The following PPP4R2 variants were observed in gnomAD, a reference collection of about 807,000 sequenced individuals.
The protein encoded by PPP4R2 is serine/threonine-protein phosphatase 4 regulatory subunit 2.
A neutral mutation model predicts 47.2 loss-of-function variants in PPP4R2; 13 were observed. The observed-to-expected ratio is 0.28, with a 90% confidence interval of 0.18 to 0.44. The LOEUF (loss-of-function observed/expected upper bound fraction) is 0.44, where lower values mean the gene tolerates loss of function less well. Ranked by LOEUF, PPP4R2 falls within the 20% of genes least tolerant of loss-of-function variation. The pLI is 1.00. For missense variants in PPP4R2, 421 were observed against 491.2 expected, an observed-to-expected ratio of 0.86 and a Z score of 1.35; for synonymous variants, 151 against 163.3, an observed-to-expected ratio of 0.92 and a Z score of 0.57.
At chr3:73,010,618 G>A (rs2322696) in intron 2 of PPP4R2, among the ~76,000 whole-genome samples, 7,218 of 151,628 alleles carry the variant, frequency 0.048, 579 homozygotes, top group African/African-American at 0.17. Context: ...GAGTGCAGTG[G>A]TGCAGTCTCA....
chr3:73,062,894 A>G (rs774079684), intron 5 of PPP4R2: 1 of 1,611,122 alleles, frequency 6.2e-7, no homozygotes, highest in South Asian at 1.1e-5. Context: ...TACGCAAGTC[A>G]AGTTAGTTGC....
chr3:73,037,369 G>T (rs1702283947), intron 2 of PPP4R2, among the ~76,000 whole-genome samples: 1 of 152,100 alleles, frequency 6.6e-6, no homozygotes, highest in Non-Finnish European at 1.5e-5. Flanking sequence ...TTGTGACTTT[G>T]ATCTTGGCAG....
At chr3:73,032,275 CT>C (rs1263073573) in intron 2 of PPP4R2, among the ~76,000 whole-genome samples, 3 of 151,268 alleles carry the variant, frequency 2.0e-5, no homozygotes, top group African/African-American at 7.3e-5. Context: ...AGTAAAACTG[CT>C]TTAAAATTAT....
intron 4 of PPP4R2, among the ~76,000 whole-genome samples, chr3:73,060,635 G>A (rs934670100): frequency 4.6e-5 from 7 of 152,162 alleles, no homozygotes; most frequent in Admixed American, 2.0e-4. Context: ...ACAACAAGCC[G>A]TGGATTGGGT....
chr3:73,009,238 C>T (rs576772463), intron 2 of PPP4R2, among the ~76,000 whole-genome samples: 29 of 152,146 alleles, frequency 1.9e-4, no homozygotes, highest in Admixed American at 1.6e-3. Flanking sequence ...GTAGCAGTAG[C>T]GACTACGAGT....
chr3:73,055,280 A>T (rs941723158), intron 3 of PPP4R2, among the ~76,000 whole-genome samples: 1 of 152,118 alleles, frequency 6.6e-6, no homozygotes, highest in Non-Finnish European at 1.5e-5. Context: ...TTAATATACC[A>T]TATACATTAT....
chr3:73,018,081 T>TA (rs1490344498), intron 2 of PPP4R2, among the ~76,000 whole-genome samples: 2 of 152,218 alleles, frequency 1.3e-5, no homozygotes, highest in Non-Finnish European at 2.9e-5. Context: ...CACTCTATTT[T>TA]GTTTCTTTGA....
In PPP4R2 at chr3:72,996,910, C is replaced by T. The variant is rs534591083; in HGVS notation, c.-128C>T. 31 of 580,362 alleles carry T rather than the reference C, an allele frequency of 5.3e-5. No individual in the cohort carries two copies. The highest frequency in any genetic ancestry group is 3.9e-4 in the Admixed American group (9 of 23,014). The allele number at this position is 580,362 out of a possible 1,614,324, so 36.0% of individuals were successfully genotyped here. A position where few individuals can be genotyped will look rare whatever the true frequency, so the allele number is the denominator to read the frequency against. ...TTCCCCCGGCTCCCTTCGTTTCCCC[C>T]CCCCGGTCGCCTGCGTGCCGGAGTG... On this transcript the variant is annotated 5_prime_UTR_variant, in exon 1 of 9. Transcript: ENST00000356692.
intron 2 of PPP4R2, among the ~76,000 whole-genome samples, chr3:73,005,705 G>T (rs1370210246): frequency 6.6e-6 from 1 of 151,914 alleles, no homozygotes; most frequent in Non-Finnish European, 1.5e-5. Flanking sequence ...AAAATTTGCT[G>T]GGTGCGGTGC....
chr3:73,063,822 T>C (rs1408100435), intron 6 of PPP4R2, 75 bp downstream of exon 6: 5 of 1,230,114 alleles, frequency 4.1e-6, no homozygotes, highest in Non-Finnish European at 5.9e-6. Flanking sequence ...GTGTACTTTT[T>C]AAAAATTGGG....
Position 73,065,046 on chromosome 3 carries a change from C to A in PPP4R2, c.833C>A (p.Ala278Glu). The change falls in exon 8 of 9, where the codon GCA (alanine) becomes GAA (glutamate). Residue 278 changes from alanine (A) to glutamate (E), a missense_variant. Ala to Glu is a moderately radical substitution (Grantham distance 107). Transcript: ENST00000356692. The stretch of plus-strand genomic sequence containing the variant: ...TCAGTTATGGTAGGAGAAACAGAAG[C>A]ATCATCTTCATCTCAGGATAAAGAC... Reference protein sequence around the residue: ...ISSVMVGETEASSSSQDKDKD... With the variant: ...ISSVMVGETEESSSSQDKDKD... 6.2e-7 allele frequency: 1 copy of A among 1,613,946 alleles called. No homozygotes were observed. The highest frequency in any genetic ancestry group is 8.5e-7 in the Non-Finnish European group (1 of 1,179,870).
intron 5 of PPP4R2, chr3:73,061,939 T>A: frequency 1.6e-6 from 1 of 617,618 alleles, no homozygotes; most frequent in Non-Finnish European, 2.8e-6. Context: ...TCCCATACTA[T>A]ATTTCTTGAC....
At chr3:73,028,389 G>A (rs1049790204) in intron 2 of PPP4R2, among the ~76,000 whole-genome samples, 4 of 151,920 alleles carry the variant, frequency 2.6e-5, no homozygotes, top group African/African-American at 4.8e-5. Context: ...CATTTAGAAG[G>A]TGACATTTGA....
chr3:73,001,465 T>C (rs1388006422), intron 2 of PPP4R2, among the ~76,000 whole-genome samples: 3 of 130,438 alleles, frequency 2.3e-5, no homozygotes, highest in African/African-American at 9.0e-5. Flanking sequence ...TCCCAGCTAC[T>C]TGGGAGGAGG....
chr3:73,010,894 A>G (rs1276138575), intron 2 of PPP4R2, among the ~76,000 whole-genome samples: 1 of 152,200 alleles, frequency 6.6e-6, no homozygotes, highest in East Asian at 1.9e-4. Flanking sequence ...TGTGTCAGAC[A>G]TTATCAAATA....
At chr3:73,032,056 T>G (rs565721625) in intron 2 of PPP4R2, among the ~76,000 whole-genome samples, 33 of 152,342 alleles carry the variant, frequency 2.2e-4, no homozygotes, top group African/African-American at 7.9e-4. Context: ...CTGGTCAGGC[T>G]TCCAGACTCC....
intron 2 of PPP4R2, among the ~76,000 whole-genome samples, chr3:73,035,625 CT>C (rs949999072): frequency 6.6e-6 from 1 of 150,962 alleles, no homozygotes. Flanking sequence ...CCTGCACTTT[CT>C]TTTTTTTTCC....
intron 8 of PPP4R2, 96 bp from the exon 9 acceptor site, chr3:73,065,301 G>T: frequency 7.4e-7 from 1 of 1,350,222 alleles, no homozygotes; most frequent in Non-Finnish European, 1.0e-6. Context: ...TTCAGGGGAT[G>T]TGATTTGAAC....
chr3:73,015,477 CTGTCT>C (rs1402739624), intron 2 of PPP4R2, among the ~76,000 whole-genome samples: 1 of 139,142 alleles, frequency 7.2e-6, no homozygotes, highest in African/African-American at 2.7e-5. Context: ...GCCCAGCCTA[CTGTCT>C]TTTTTTTTTT....
Sources: allele counts gnomAD v4.1 joint callset (sites outside exome capture counted in the v4.1 genomes callset), GRCh38; gene constraint gnomAD v4.1.1; transcripts MANE v1.5; gene names NCBI Gene and HGNC (gene_info 2026-07-23, HGNC 2026-07-21).